DYSF: variants seen among roughly 807,000 people sequenced by gnomAD.
DYSF encodes dysferlin.
In DYSF, 212 loss-of-function variants were observed where a neutral mutation model predicts 274.9. That is an observed-to-expected ratio of 0.77 (90% CI 0.69 to 0.86). The LOEUF (loss-of-function observed/expected upper bound fraction) is 0.86. DYSF is among the 40% of genes least tolerant of loss of function. DYSF has a pLI of 0.00. For synonymous variants in DYSF, 1,091 were observed against 1,078.7 expected, an observed-to-expected ratio of 1.01 and a Z score of -0.22; for missense variants, 2,666 against 2,783.2, an observed-to-expected ratio of 0.96 and a Z score of 0.95.
chr2:71,657,644 C>G (rs1035025205), intron 43 of DYSF, among the ~76,000 whole-genome samples: 1 of 152,210 alleles, frequency 6.6e-6, no homozygotes, highest in Non-Finnish European at 1.5e-5. Flanking sequence ...TCTTGACTTC[C>G]GTGCACCCAC....
chr2:71,667,904 G>A lies in DYSF; in HGVS notation c.5457+389G>A, dbSNP rs573028909. Among the ~76,000 whole-genome samples, 17 of 152,294 alleles carry A rather than the reference G, an allele frequency of 1.1e-4. No homozygotes were observed. The South Asian group carries it at 3.1e-3, about 28-fold the overall frequency. On this transcript the variant is annotated intron_variant, in intron 48 of 55. Coordinates refer to ENST00000410020, the MANE Select transcript of DYSF (RefSeq NM_001130987.2). ...CGGCCCTGTGCTGGGTGGCTGTGGG[G>A]TATGCAGCCAGGGTGGCCCTGGCAT...
chr2:71,637,927 G>A (rs183993121), intron 41 of DYSF, among the ~76,000 whole-genome samples: 41 of 152,228 alleles, frequency 2.7e-4, no homozygotes, highest in Middle Eastern at 3.4e-3. Context: ...CTGAGCAGCC[G>A]GCCAGCTGGT....
At chr2:71,556,164 C>A in intron 22 of DYSF, 93 bp downstream of exon 22, 1 of 1,079,442 alleles carries the variant, frequency 9.3e-7, no homozygotes, top group Non-Finnish European at 1.4e-6. Context: ...TGAGCAGTGG[C>A]ACGTCTCCCA....
At position 71,658,959 on chromosome 2, in the gene DYSF, G is replaced by T. The variant is rs2152941050; in HGVS notation, c.4837G>T (p.Gly1613Ter). ...PRQFHQLAAQ[G>*]PQECLVRIYI... ...ACAGTTCCACCAGCTGGCCGCCCAG[G>T]GACCCCAGGAGTGCTTGGTCCGTAT... The change falls in exon 44 of 56, where the codon GGA becomes TGA. Residue 1613 changes from glycine (G) to a stop codon, truncating the protein, a stop_gained. Transcript: ENST00000410020. LOFTEE classifies it high-confidence loss of function. The T allele has an allele frequency of 6.2e-7, 1 of 1,614,148 alleles. No individual in the cohort carries two copies. The highest frequency in any genetic ancestry group is 2.2e-5 in the East Asian group (1 of 44,882).
At chr2:71,559,909 C>T (rs1322776549) in intron 22 of DYSF, among the ~76,000 whole-genome samples, 1 of 152,218 alleles carries the variant, frequency 6.6e-6, no homozygotes, top group Non-Finnish European at 1.5e-5. Context: ...GCCCCGAGGC[C>T]AGTTCATCTT....
At chr2:71,461,856 G>A (rs1397300271), upstream of DYSF, among the ~76,000 whole-genome samples, 1 of 152,164 alleles carries the variant, frequency 6.6e-6, no homozygotes, top group African/African-American at 2.4e-5. Flanking sequence ...GAGCAGAGAG[G>A]CAAGGTTTGT....
chr2:71,660,738 A>C, intron 45 of DYSF, 87 bp downstream of exon 45: 2 of 1,172,838 alleles, frequency 1.7e-6, no homozygotes, highest in Non-Finnish European at 2.5e-6. Flanking sequence ...TGGCACTGTG[A>C]AGTCCGTATC....
intron 40 of DYSF, among the ~76,000 whole-genome samples, chr2:71,614,895 C>G (rs2093848697): frequency 6.6e-6 from 1 of 152,148 alleles, no homozygotes; most frequent in African/African-American, 2.4e-5. Context: ...TGAAATTTAG[C>G]TAAACTCAGT....
chr2:71,628,488 T>A (rs1406895683), intron 41 of DYSF, among the ~76,000 whole-genome samples: 1 of 152,136 alleles, frequency 6.6e-6, no homozygotes, highest in Non-Finnish European at 1.5e-5. Context: ...TTGAGGTCAG[T>A]TCATTATAAA....
At chr2:71,607,019 C>T (rs1257363189) in intron 36 of DYSF, among the ~76,000 whole-genome samples, 1 of 152,174 alleles carries the variant, frequency 6.6e-6, no homozygotes, top group Non-Finnish European at 1.5e-5. Context: ...CAGCTATGGT[C>T]CCTGTGTACA....
intron 45 of DYSF, among the ~76,000 whole-genome samples, chr2:71,662,930 A>ATGTGCGTGTGTGTG: frequency 3.7e-5 from 1 of 27,034 alleles, no homozygotes; most frequent in Admixed American, 4.6e-4. Flanking sequence ...GTGTGCACGT[A>ATGTGCGTGTGTGTG]TGTGCATGTG....
chr2:71,585,788 G>A (rs367946032), intron 30 of DYSF, among the ~76,000 whole-genome samples: 13 of 152,246 alleles, frequency 8.5e-5, no homozygotes, highest in African/African-American at 3.1e-4. Flanking sequence ...GCACCTGGCT[G>A]GGCTCTCAGT....
chr2:71,587,597 T>G (rs1377419852), intron 30 of DYSF, among the ~76,000 whole-genome samples: 1 of 152,244 alleles, frequency 6.6e-6, no homozygotes, highest in Non-Finnish European at 1.5e-5. Flanking sequence ...GAACTACATC[T>G]TCTGTATCTT....
intron 48 of DYSF, among the ~76,000 whole-genome samples, chr2:71,668,316 A>G (rs1201922392): frequency 6.6e-6 from 1 of 152,168 alleles, no homozygotes; most frequent in African/African-American, 2.4e-5. Context: ...AATTACTTCA[A>G]TTCCTGCTCC....
chr2:71,501,053 C>T (rs939612582), intron 3 of DYSF, among the ~76,000 whole-genome samples: 1 of 152,154 alleles, frequency 6.6e-6, no homozygotes, highest in Non-Finnish European at 1.5e-5. Context: ...TGCCTTCTGG[C>T]ACCAGCCCCT....
rs1260618039 is a variant in DYSF, at chr2:71,669,229, G to T, written c.5642+22G>T. 5.1e-6 allele frequency: 8 copies of T among 1,573,512 alleles called. No homozygotes were observed. In the African/African-American group the frequency reaches 1.1e-4, roughly 21 times the overall value. On this transcript the variant is annotated intron_variant, in intron 50 of 55. Coordinates refer to ENST00000410020, the MANE Select transcript of DYSF (RefSeq NM_001130987.2). ...AAGGGTAGGGAGCCAGCGTCCTCTTGCCTGTCCAGCTTCCCGCAGCTCCCG... is the reference window on the plus strand; with the variant it reads ...AAGGGTAGGGAGCCAGCGTCCTCTTTCCTGTCCAGCTTCCCGCAGCTCCCG...
In DYSF at chr2:71,539,255, G is replaced by A. The variant is rs577128387; in HGVS notation, c.1576+16G>A. The A allele has an allele frequency of 8.1e-6, 13 of 1,610,948 alleles. No individual in the cohort carries two copies. Among genetic ancestry groups the A allele is most frequent in the Middle Eastern group, 1.7e-4 (1 of 6,056 alleles). The stretch of plus-strand genomic sequence containing the variant: ...GAAATAGAAGGTATGTTCCCTCTTC[G>A]TTCTGCCCTTTGACCCCCTGTGCTC... On this transcript the variant is annotated intron_variant, in intron 17 of 55. Coordinates refer to ENST00000410020, the MANE Select transcript of DYSF (RefSeq NM_001130987.2).
chr2:71,652,156 C>T (rs2094675997), intron 42 of DYSF, among the ~76,000 whole-genome samples: 1 of 152,310 alleles, frequency 6.6e-6, no homozygotes. Context: ...TACTGAAGCA[C>T]TCTGTGACTC....
At chr2:71,643,818 G>T in intron 41 of DYSF, 147 bp from the exon 42 acceptor site, 1 of 716,254 alleles carries the variant, frequency 1.4e-6, no homozygotes. Flanking sequence ...AGAGGCGGAG[G>T]TTTCCTCTCT....
Sources: allele counts gnomAD v4.1 joint callset (sites outside exome capture counted in the v4.1 genomes callset), GRCh38; gene constraint gnomAD v4.1.1; transcripts MANE v1.5; gene names NCBI Gene and HGNC (gene_info 2026-07-23, HGNC 2026-07-21).